The following IDS variants were observed in gnomAD, a reference collection of about 807,000 sequenced individuals.
IDS encodes the protein iduronate 2-sulfatase.
IDS carries 1 observed loss-of-function variant against 33.5 expected under a neutral mutation model. The ratio of observed to expected loss-of-function variants is 0.03; its 90% CI spans 0.01 to 0.14. The LOEUF is 0.14. IDS is among the 10% of genes least tolerant of loss of function. The pLI, the probability that IDS is intolerant of heterozygous loss-of-function variation, is 1.00. For synonymous variants in IDS, 191 were observed against 184.4 expected (o/e 1.04, Z -0.29); for missense variants, 328 against 448.0 (o/e 0.73, Z 2.42).
chrX:149,479,132 C>G lies in IDS; in HGVS notation c.*3614G>C. The G allele has an allele frequency of 8.9e-6, 1 of 112,753 alleles. No homozygotes were observed. The highest frequency in any genetic ancestry group is 2.8e-4 in the East Asian group (1 of 3,590). 9.3% of individuals were successfully genotyped at this position (112,753 alleles called of 1,213,427 possible). Reference sequence around the variant, plus strand: ...CTCCTGGGTTCAAGCAATTCTCTGCCTCAGCCTCCCAAGTAGCTGGGATTA... The same window carrying G: ...CTCCTGGGTTCAAGCAATTCTCTGCGTCAGCCTCCCAAGTAGCTGGGATTA... On this transcript the variant is annotated 3_prime_UTR_variant, in exon 9 of 9. Transcript: ENST00000340855.
At chrX:149,484,046 C>G (rs1159888864) in intron 8 of IDS, among the ~76,000 whole-genome samples, 1 of 112,662 alleles carries the variant, frequency 8.9e-6, no homozygotes, top group East Asian at 2.8e-4. Context: ...TTTGTCTGTT[C>G]TTCTGTCAAT....
intron 2 of IDS, among the ~76,000 whole-genome samples, chrX:149,503,888 G>A (rs1368341642): frequency 2.7e-5 from 3 of 111,446 alleles, no homozygotes; most frequent in Admixed American, 9.4e-5. Context: ...CCAGGCAAGC[G>A]CCCGTTCTGG....
Position 149,484,599 on chromosome X carries a change from C to T in IDS, c.1181-1381G>A, listed in dbSNP as rs782620105. On this transcript the variant is annotated intron_variant, in intron 8 of 8. Coordinates refer to ENST00000340855, the MANE Select transcript of IDS (RefSeq NM_000202.8). ...CCTCCCAAAGTGCTGGGATTACTGGCGTGAGCCACCACGCCCAGCCTTTCA... is the reference window on the plus strand; with the variant it reads ...CCTCCCAAAGTGCTGGGATTACTGGTGTGAGCCACCACGCCCAGCCTTTCA... 5.1e-4 allele frequency among the ~76,000 whole-genome samples: 58 copies of T among 112,874 alleles called. 1 individual carries two copies. The highest frequency in any genetic ancestry group is 7.9e-4 in the Non-Finnish European group (42 of 53,314).
chrX:149,505,239 C>T lies in IDS; in HGVS notation c.-102G>A, dbSNP rs1345300354. On this transcript the variant is annotated 5_prime_UTR_variant, in exon 1 of 9. Coordinates refer to ENST00000340855, the MANE Select transcript of IDS (RefSeq NM_000202.8). ...GCCACAGAGACCTCCTCGTCGGGAA[C>T]CCATGAAGACTGCGCAACACAGCCG... 1.9e-6 allele frequency: 1 copy of T among 521,202 alleles called. No individual in the cohort carries two copies. The highest frequency in any genetic ancestry group is 3.0e-6 in the Non-Finnish European group (1 of 337,937). The allele number at this position is 521,202 out of a possible 1,213,427, so 43.0% of individuals were successfully genotyped here.
At position 149,484,403 on chromosome X, in the gene IDS, C is replaced by G. The variant is rs138415941; in HGVS notation, c.1181-1185G>C. Among the ~76,000 whole-genome samples, 723 of 112,559 alleles carry G rather than the reference C, an allele frequency of 6.4e-3. 7 individuals are homozygous for G. The highest frequency in any genetic ancestry group is 0.022 in the African/African-American group (679 of 30,956). On this transcript the variant is annotated intron_variant, in intron 8 of 8. Transcript: ENST00000340855. ...GCAATCTCGGCTCAGCTCACTGCAA[C>G]CTCCGTCTCCCAGGTTCAAGTGATT...
rs150285775 is a variant in IDS at position 149,500,883 on chromosome X, C to A, written c.507+66G>T. 1,270 of 676,816 alleles carry A rather than the reference C, an allele frequency of 1.9e-3. 15 individuals are homozygous for A. In the African/African-American group the frequency reaches 0.024, roughly 13 times the overall value. 55.8% of individuals were successfully genotyped at this position (676,816 alleles called of 1,213,427 possible). A position where few individuals can be genotyped will look rare whatever the true frequency, so the allele number is the denominator to read the frequency against. On this transcript the variant is annotated intron_variant, in intron 4 of 8. Transcript: ENST00000340855. ...CCAGCTTCACAGAACATGCAGTATACCCAGTAGTTTATGTGACAAAGGAAA... is the reference window on the plus strand; with the variant it reads ...CCAGCTTCACAGAACATGCAGTATAACCAGTAGTTTATGTGACAAAGGAAA...
At chrX:149,495,925 A>T (rs2089432563) in intron 6 of IDS, among the ~76,000 whole-genome samples, 1 of 112,404 alleles carries the variant, frequency 8.9e-6, no homozygotes, top group African/African-American at 3.2e-5. Context: ...GCTAGCCAGG[A>T]TGGGCTTTCC....
intron 5 of IDS, 71 bp downstream of exon 5, chrX:149,498,036 G>T: frequency 3.0e-6 from 3 of 984,444 alleles, no homozygotes; most frequent in Non-Finnish European, 4.3e-6. Flanking sequence ...CCTTCCCTGT[G>T]CAAATCCCTC....
rs2089270758 is a variant in IDS, at chrX:149,477,054, T to C, written c.*5692A>G. 1 of 112,433 alleles carries C rather than the reference T, an allele frequency of 8.9e-6. No individual in the cohort carries two copies. Among genetic ancestry groups the C allele is most frequent in the African/African-American group, 3.2e-5 (1 of 30,924 alleles). The allele number at this position is 112,433 out of a possible 1,213,427, so 9.3% of individuals were successfully genotyped here. On this transcript the variant is annotated 3_prime_UTR_variant, in exon 9 of 9. Transcript: ENST00000340855. Reference sequence around the variant, plus strand: ...GCACTTAACACAATACAAACTTATGTTTTTCAATAGTGTAGAAGATGTGAA... The same window carrying C: ...GCACTTAACACAATACAAACTTATGCTTTTCAATAGTGTAGAAGATGTGAA...
At chrX:149,491,135 A>G (rs1305772111) in intron 6 of IDS, among the ~76,000 whole-genome samples, 2 of 112,630 alleles carry the variant, frequency 1.8e-5, no homozygotes, top group Non-Finnish European at 3.8e-5. Flanking sequence ...AGCAACCCTG[A>G]CTGAGCCTTT....
In IDS at chrX:149,491,774, C is replaced by T. The variant is rs1451366089; in HGVS notation, c.880-1334G>A. ...AGGCAATAAGCAGACAAGGTCCTCA[C>T]CCTTGATGAGCCACCCCATCCAGTG... is the stretch of plus-strand genomic sequence containing the variant. On this transcript the variant is annotated intron_variant, in intron 6 of 8. Coordinates refer to ENST00000340855, the MANE Select transcript of IDS (RefSeq NM_000202.8). The T allele has an allele frequency of 9.4e-6, 5 of 531,574 alleles. No individual in the cohort carries two copies. The African/African-American group carries it at 1.2e-4, about 13-fold the overall frequency. 43.8% of individuals were successfully genotyped at this position (531,574 alleles called of 1,213,427 possible).
chrX:149,498,006 G>T, intron 5 of IDS, 101 bp downstream of exon 5: 1 of 714,603 alleles, frequency 1.4e-6, no homozygotes, highest in Non-Finnish European at 2.2e-6. Context: ...ATGGTGCCTG[G>T]CGATGGCAGG....
intron 3 of IDS, chrX:149,502,029 T>C (rs1341396803): frequency 3.7e-6 from 1 of 273,216 alleles, no homozygotes; most frequent in Non-Finnish European, 7.2e-6. Flanking sequence ...CCTTGCTTGC[T>C]GTTGGGAGGA....
At chrX:149,499,677 T>G (rs1387049451) in intron 4 of IDS, among the ~76,000 whole-genome samples, 1 of 110,794 alleles carries the variant, frequency 9.0e-6, no homozygotes, top group African/African-American at 3.3e-5. Context: ...TTAAATTATA[T>G]ACTTCAAAAG....
In IDS at chrX:149,490,383, G is replaced by A. The variant is rs201048643; in HGVS notation, c.937C>T (p.Arg313Cys). The change falls in exon 7 of 9, where the codon CGC (arginine) becomes TGC (cysteine). Residue 313 changes from arginine to cysteine, a missense_variant. By Grantham distance (180) the Arg-to-Cys change is radical. This residue lies in a region of IDS where 265 missense variants were observed against 339.2 expected (regional missense o/e 0.78). Transcript: ENST00000340855. ...AGATCGTCCAAAGCACTCAAGAGGC[G>A]GCCGACCTGTGTATCCAAATATGAC... ...SVSYLDTQVG[R>C]LLSALDDLQL... is the part of the protein sequence containing the mutation. 6.9e-5 allele frequency: 83 copies of A among 1,208,143 alleles called. No individual in the cohort carries two copies. The Middle Eastern group carries it at 1.4e-3, about 20-fold the overall frequency.
rs1205945385 is a variant in IDS at position 149,480,683 on chromosome X, T to C, written c.*2063A>G. On this transcript the variant is annotated 3_prime_UTR_variant, in exon 9 of 9. Transcript: ENST00000340855. ...TTAGTAGAGACGGGGTTTCACCATG[T>C]TGGCCAGGCTGGTCTTGAACTCCTA... 5.6e-6 allele frequency: 1 copy of C among 178,778 alleles called. No individual in the cohort carries two copies. The highest frequency in any genetic ancestry group is 1.0e-5 in the Non-Finnish European group (1 of 96,051). 14.7% of individuals were successfully genotyped at this position (178,778 alleles called of 1,213,427 possible).
intron 6 of IDS, 99 bp downstream of exon 6, chrX:149,496,247 A>T (rs2089435246): frequency 1.7e-5 from 14 of 827,914 alleles, no homozygotes; most frequent in Middle Eastern, 4.0e-4. Flanking sequence ...GCTCTTAATA[A>T]GACATTATAG....
At chrX:149,483,325 T>C in intron 8 of IDS, 107 bp from the exon 9 acceptor site, 2 of 587,071 alleles carry the variant, frequency 3.4e-6, no homozygotes, top group Non-Finnish European at 5.6e-6. Context: ...TTTCTTTTTT[T>C]AATTTACAAC....
In IDS at chrX:149,477,446, C is replaced by G. The variant is rs1171512836; in HGVS notation, c.*5300G>C. 3 of 112,726 alleles carry G rather than the reference C, an allele frequency of 2.7e-5. No individual in the cohort carries two copies. Among genetic ancestry groups the G allele is most frequent in the African/African-American group, 9.7e-5 (3 of 30,945 alleles). The allele number at this position is 112,726 out of a possible 1,213,427, so 9.3% of individuals were successfully genotyped here. A position where few individuals can be genotyped will look rare whatever the true frequency, so the allele number is the denominator to read the frequency against. ...GAGGGTTGGCTCCCAGCCACCTCAT[C>G]TGGAACCAACTTGTCGGTTTGTTCT... On this transcript the variant is annotated 3_prime_UTR_variant, in exon 9 of 9. Coordinates refer to ENST00000340855, the MANE Select transcript of IDS (RefSeq NM_000202.8).
Sources: allele counts gnomAD v4.1 joint callset (sites outside exome capture counted in the v4.1 genomes callset), GRCh38; gene constraint gnomAD v4.1.1; regional missense constraint gnomAD v4.1.1; transcripts MANE v1.5; gene names NCBI Gene and HGNC (gene_info 2026-07-23, HGNC 2026-07-21).